ZNF407: variants seen among roughly 807,000 people sequenced by gnomAD.
ZNF407 encodes the protein zinc finger protein 407.
In ZNF407, 17 loss-of-function variants were observed where a neutral mutation model predicts 131.2. That is an observed-to-expected ratio of 0.13 (90% confidence interval 0.09 to 0.19). ZNF407 has a LOEUF of 0.19. Ranked by LOEUF, ZNF407 falls within the 10% of genes least tolerant of loss-of-function variation. The probability of loss-of-function intolerance (pLI) is 1.00; values close to 1 mark genes in which losing one functional copy is unlikely to be tolerated. For synonymous variants in ZNF407, 1,156 were observed against 1,062.0 expected (o/e 1.09, Z -1.72); for missense variants, 2,681 against 2,830.6 (o/e 0.95, Z 1.20).
At chr18:74,757,949 T>G (rs937214343) in intron 3 of ZNF407, among the ~76,000 whole-genome samples, 1 of 152,190 alleles carries the variant, frequency 6.6e-6, no homozygotes, top group Non-Finnish European at 1.5e-5. Flanking sequence ...ATATAGCCGC[T>G]GCGGCTTTCT....
chr18:74,788,149 A>G (rs1969756194), intron 4 of ZNF407, among the ~76,000 whole-genome samples: 2 of 152,106 alleles, frequency 1.3e-5, no homozygotes, highest in Admixed American at 6.5e-5. Context: ...TGTTATTTCC[A>G]GTTTTATTTA....
intron 4 of ZNF407, among the ~76,000 whole-genome samples, chr18:74,798,209 AACAC>A (rs35388545): frequency 9.7e-4 from 144 of 147,932 alleles, no homozygotes; most frequent in South Asian, 1.7e-3. Flanking sequence ...CCTTTACACA[AACAC>A]ACACACACAC....
intron 8 of ZNF407, among the ~76,000 whole-genome samples, chr18:74,979,639 TAGG>T (rs778589753): frequency 6.6e-6 from 1 of 152,152 alleles, no homozygotes; most frequent in Non-Finnish European, 1.5e-5. Context: ...ATCAAAATCA[TAGG>T]AGAACTCTAA....
chr18:74,782,554 C>T (rs1208927048), intron 4 of ZNF407, among the ~76,000 whole-genome samples: 2 of 143,798 alleles, frequency 1.4e-5, no homozygotes, highest in African/African-American at 5.6e-5. Context: ...GCTCCCCTCC[C>T]CTCCTCTTCT....
intron 3 of ZNF407, among the ~76,000 whole-genome samples, chr18:74,768,139 G>T (rs977553929): frequency 6.6e-5 from 10 of 152,024 alleles, no homozygotes; most frequent in Non-Finnish European, 1.3e-4. Context: ...TTTTTTAAAA[G>T]TACCCTTAAG....
At position 74,897,218 on chromosome 18, in the gene ZNF407, C is replaced by T. The variant is rs536117820; in HGVS notation, c.5249+7180C>T. 2.6e-5 allele frequency among the ~76,000 whole-genome samples: 4 copies of T among 152,262 alleles called. No homozygotes were observed. The South Asian group carries it at 8.3e-4, about 32-fold the overall frequency. The stretch of plus-strand genomic sequence containing the variant: ...AACCTTGTTTAAGTAAAAGATCTTA[C>T]AAACTTGAAAACAAATAGATTCCAT... On this transcript the variant is annotated intron_variant, in intron 7 of 8. Transcript: ENST00000299687.
intron 8 of ZNF407, among the ~76,000 whole-genome samples, chr18:74,967,441 T>G (rs1289253837): frequency 6.6e-6 from 1 of 152,224 alleles, no homozygotes; most frequent in Admixed American, 6.5e-5. Context: ...TTGTTGCAGT[T>G]TTAGTACTTA....
chr18:74,704,644 C>G (rs1599083698), intron 3 of ZNF407, among the ~76,000 whole-genome samples: 1 of 152,310 alleles, frequency 6.6e-6, no homozygotes, highest in Non-Finnish European at 1.5e-5. Flanking sequence ...GCATGGAAAT[C>G]ATTTACATAA....
Position 74,633,457 on chromosome 18 carries a change from A to G in ZNF407, c.2438A>G (p.Lys813Arg). ...TTACAAGAGCATTCCTATCTTGAGA[A>G]GGGCATGCTGGCGTCTGAGGAACTG... ...VQLQEHSYLE[K>R]GMLASEELSQ... The change falls in exon 2 of 9, where the codon AAG becomes AGG. Residue 813 changes from lysine to arginine, a missense_variant. Transcript: ENST00000299687. The G allele has an allele frequency of 6.2e-7, 1 of 1,614,016 alleles. No homozygotes were observed. The highest frequency in any genetic ancestry group is 8.5e-7 in the Non-Finnish European group (1 of 1,179,868).
At chr18:74,898,613 G>A (rs1003846782) in intron 7 of ZNF407, among the ~76,000 whole-genome samples, 2 of 152,090 alleles carry the variant, frequency 1.3e-5, no homozygotes, top group African/African-American at 4.8e-5. Context: ...ATTATGGCCT[G>A]AATCTTTGTA....
intron 1 of ZNF407, among the ~76,000 whole-genome samples, 192 bp from the exon 2 acceptor site, chr18:74,630,775 A>G (rs569189512): frequency 1.2e-4 from 18 of 152,322 alleles, no homozygotes; most frequent in African/African-American, 3.8e-4. Context: ...GGAGTCAACA[A>G]TAGGGTGACA....
intron 8 of ZNF407, among the ~76,000 whole-genome samples, chr18:75,054,263 C>G (rs72965959): frequency 0.021 from 3,132 of 152,304 alleles, 54 homozygotes; most frequent in Non-Finnish European, 0.029. Flanking sequence ...TAGTGTTTTA[C>G]CCCAGCCGTC....
At chr18:74,942,817 G>C (rs1972114719) in intron 8 of ZNF407, among the ~76,000 whole-genome samples, 1 of 152,126 alleles carries the variant, frequency 6.6e-6, no homozygotes, top group Non-Finnish European at 1.5e-5. Flanking sequence ...CTCATCTCCA[G>C]CATCTTATGA....
intron 1 of ZNF407, among the ~76,000 whole-genome samples, chr18:74,625,752 A>G (rs1027206435): frequency 4.6e-5 from 7 of 152,204 alleles, no homozygotes; most frequent in Non-Finnish European, 8.8e-5. Context: ...TTTTAATTTC[A>G]TCTGTAAATA....
chr18:75,015,612 G>A (rs1208802493), intron 8 of ZNF407, among the ~76,000 whole-genome samples: 1 of 149,072 alleles, frequency 6.7e-6, no homozygotes, highest in East Asian at 2.0e-4. Flanking sequence ...CAGAACTTCA[G>A]ACTTCCTAGC....
intron 8 of ZNF407, among the ~76,000 whole-genome samples, chr18:75,034,657 G>A (rs1446124956): frequency 1.3e-5 from 2 of 151,424 alleles, no homozygotes; most frequent in South Asian, 2.1e-4. Context: ...TATTGTTTGT[G>A]GGTACAAGGT....
chr18:74,727,746 T>C (rs1420363340), intron 3 of ZNF407, among the ~76,000 whole-genome samples: 1 of 152,226 alleles, frequency 6.6e-6, no homozygotes, highest in African/African-American at 2.4e-5. Flanking sequence ...GTAAGGAGTT[T>C]AGGATTCATC....
At chr18:74,763,293 G>C (rs893113514) in intron 3 of ZNF407, among the ~76,000 whole-genome samples, 1 of 118,718 alleles carries the variant, frequency 8.4e-6, no homozygotes, top group Admixed American at 9.9e-5. Context: ...AAATTGTGTT[G>C]TTTGTTTTCT....
rs1364123390 is a variant in ZNF407, at chr18:74,635,293, G to A, written c.4274G>A (p.Gly1425Glu). 1.9e-6 allele frequency: 3 copies of A among 1,613,984 alleles called. No individual in the cohort carries two copies. The highest frequency in any genetic ancestry group is 2.5e-6 in the Non-Finnish European group (3 of 1,179,892). Residue 1425 changes from glycine (G) to glutamate (E), a missense_variant, in exon 2 of 9, where the codon GGA (glycine) becomes GAA (glutamate). Physicochemically the swap from Gly to Glu is moderately conservative, Grantham distance 98. Around this residue, in one of 6 missense-constraint regions of ZNF407, gnomAD observed 1,789 missense variants for 1,748.7 expected, o/e 1.02. Transcript: ENST00000299687. The surrounding 1 kb of genome is among the most constrained non-coding windows in gnomAD (Gnocchi z 4.7). ...RCDDCGFLAD[G>E]LSGLNVHIAM... Reference sequence around the variant, plus strand: ...GATGATTGTGGCTTCTTAGCAGATGGACTGAGTGGACTGAATGTTCACATA... The same window carrying A: ...GATGATTGTGGCTTCTTAGCAGATGAACTGAGTGGACTGAATGTTCACATA...
Sources: allele counts gnomAD v4.1 joint callset (sites outside exome capture counted in the v4.1 genomes callset), GRCh38; gene constraint gnomAD v4.1.1; regional missense constraint gnomAD v4.1.1; non-coding constraint Gnocchi (gnomAD v3.1); transcripts MANE v1.5; gene names NCBI Gene and HGNC (gene_info 2026-07-23, HGNC 2026-07-21).